The following HS6ST3 variants were observed in gnomAD, a reference collection of about 807,000 sequenced individuals.
HS6ST3 encodes heparan sulfate 6-O-sulfotransferase 3.
Under a neutral mutation model 36.7 loss-of-function variants are expected in HS6ST3, and 12 were observed. The observed-to-expected ratio is 0.33, with a 90% CI of 0.21 to 0.53. The LOEUF is 0.53. HS6ST3 is among the 20% of genes least tolerant of loss of function. The pLI, the probability that HS6ST3 is intolerant of heterozygous loss-of-function variation, is 0.95. For missense variants in HS6ST3, 584 were observed against 640.9 expected, an observed-to-expected ratio of 0.91 and a Z score of 0.96; for synonymous variants, 240 against 257.5, an observed-to-expected ratio of 0.93 and a Z score of 0.65.
intron 1 of HS6ST3, among the ~76,000 whole-genome samples, chr13:96,678,448 G>A (rs1272348702): frequency 6.6e-6 from 1 of 152,226 alleles, no homozygotes; most frequent in East Asian, 1.9e-4. Flanking sequence ...GCCGAGGCAG[G>A]TGGATCATGA....
chr13:96,737,719 C>G (rs1172613062), intron 1 of HS6ST3, among the ~76,000 whole-genome samples: 1 of 149,814 alleles, frequency 6.7e-6, no homozygotes, highest in African/African-American at 2.5e-5. Context: ...TCATGCTGTT[C>G]AAACTGTTTC....
intron 1 of HS6ST3, among the ~76,000 whole-genome samples, chr13:96,710,180 G>A (rs1477344418): frequency 6.6e-6 from 1 of 152,264 alleles, no homozygotes; most frequent in Non-Finnish European, 1.5e-5. Flanking sequence ...GCTACTAAAT[G>A]TGTAACTCAG....
At position 96,322,949 on chromosome 13, in the gene HS6ST3, C is replaced by T. The variant is rs536372666; in HGVS notation, c.707+231380C>T. 2.0e-5 allele frequency among the ~76,000 whole-genome samples: 3 copies of T among 152,294 alleles called. No individual in the cohort carries two copies. The South Asian group carries it at 6.2e-4, about 32-fold the overall frequency. ...CTTGATTTCCAGGACACTGTGCCCG[C>T]CTGGTGTGCCTCCTACCTCACAGGT... On this transcript the variant is annotated intron_variant, in intron 1 of 1. Transcript: ENST00000376705.
chr13:96,400,521 TAGAG>T (rs1409817933), intron 1 of HS6ST3, among the ~76,000 whole-genome samples: 1 of 152,066 alleles, frequency 6.6e-6, no homozygotes, highest in Non-Finnish European at 1.5e-5. Flanking sequence ...TGGATATAAT[TAGAG>T]AGGTGATAAC....
At chr13:96,298,509 C>T (rs377528433) in intron 1 of HS6ST3, among the ~76,000 whole-genome samples, 1 of 152,178 alleles carries the variant, frequency 6.6e-6, no homozygotes, top group Non-Finnish European at 1.5e-5. Flanking sequence ...ATCAGACACC[C>T]GGGTTTGTAA....
chr13:96,145,202 A>C (rs2054051443), intron 1 of HS6ST3, among the ~76,000 whole-genome samples: 1 of 150,048 alleles, frequency 6.7e-6, no homozygotes, highest in South Asian at 2.2e-4. Context: ...TGGTATTTCT[A>C]GTTCTAGATC....
rs1003990590 is a variant in HS6ST3, at chr13:96,708,698, G to C, written c.708-123792G>C. Among the ~76,000 whole-genome samples, 15 of 152,236 alleles carry C rather than the reference G, an allele frequency of 9.9e-5. No individual in the cohort carries two copies. The East Asian group carries it at 2.3e-3, about 24-fold the overall frequency. On this transcript the variant is annotated intron_variant, in intron 1 of 1. Transcript: ENST00000376705. ...AAAATCTCCCAAGGATCCTGGCCAG[G>C]CCACACCAACTGAACTGGGAGATTC... is the stretch of plus-strand genomic sequence containing the variant.
intron 1 of HS6ST3, among the ~76,000 whole-genome samples, chr13:96,397,616 A>C (rs2055428746): frequency 6.6e-6 from 1 of 152,190 alleles, no homozygotes; most frequent in Admixed American, 6.5e-5. Flanking sequence ...CCTTTTCACC[A>C]GAGAAGGTAG....
chr13:96,271,319 G>T (rs932184885), intron 1 of HS6ST3, among the ~76,000 whole-genome samples: 10 of 151,948 alleles, frequency 6.6e-5, no homozygotes, highest in Non-Finnish European at 8.8e-5. Context: ...TAAGCTTTAA[G>T]TTTCTCATAT....
chr13:96,489,626 A>T (rs1343098755), intron 1 of HS6ST3, among the ~76,000 whole-genome samples: 1 of 152,024 alleles, frequency 6.6e-6, no homozygotes, highest in Non-Finnish European at 1.5e-5. Context: ...TTCTTTCTTT[A>T]GGCGAGGCTG....
At chr13:96,648,694 C>G (rs1379803749) in intron 1 of HS6ST3, among the ~76,000 whole-genome samples, 2 of 151,844 alleles carry the variant, frequency 1.3e-5, no homozygotes, top group Non-Finnish European at 2.9e-5. Flanking sequence ...TTGTTCCCCT[C>G]CCTGTGTCCA....
intron 1 of HS6ST3, among the ~76,000 whole-genome samples, chr13:96,146,764 A>G (rs1407571595): frequency 6.6e-6 from 1 of 152,180 alleles, no homozygotes; most frequent in East Asian, 1.9e-4. Context: ...TCTTGGAAAA[A>G]TTGTTTATTG....
chr13:96,222,021 G>T (rs959160825), intron 1 of HS6ST3, among the ~76,000 whole-genome samples: 1 of 152,110 alleles, frequency 6.6e-6, no homozygotes, highest in Admixed American at 6.6e-5. Flanking sequence ...ATAAACTGTA[G>T]CATGTTGATT....
At chr13:96,415,404 C>T (rs1301934372) in intron 1 of HS6ST3, among the ~76,000 whole-genome samples, 1 of 152,190 alleles carries the variant, frequency 6.6e-6, no homozygotes, top group Non-Finnish European at 1.5e-5. Flanking sequence ...CTTCCATTAT[C>T]TTCTTGCTAA....
At chr13:96,333,800 C>G (rs1287504925) in intron 1 of HS6ST3, among the ~76,000 whole-genome samples, 3 of 152,098 alleles carry the variant, frequency 2.0e-5, no homozygotes, top group Admixed American at 1.3e-4. Context: ...ACTTACAGCT[C>G]CAATTGAAAG....
chr13:96,360,966 C>G (rs1430025685), intron 1 of HS6ST3, among the ~76,000 whole-genome samples: 2 of 144,812 alleles, frequency 1.4e-5, no homozygotes, highest in African/African-American at 5.1e-5. Context: ...AAAAAAAATG[C>G]AGGAGGAGGC....
intron 1 of HS6ST3, among the ~76,000 whole-genome samples, chr13:96,193,488 A>G (rs2054298403): frequency 6.6e-6 from 1 of 152,114 alleles, no homozygotes; most frequent in African/African-American, 2.4e-5. Context: ...AGAGCTGTGA[A>G]ACATGCTGGG....
intron 1 of HS6ST3, 29 bp downstream of exon 1, chr13:96,091,598 T>TGGGCC: frequency 4.7e-6 from 7 of 1,488,498 alleles, no homozygotes; most frequent in Non-Finnish European, 5.4e-6. Context: ...TCTCTGTTCT[T>TGGGCC]CCCCCCCACC....
intron 1 of HS6ST3, among the ~76,000 whole-genome samples, chr13:96,207,209 CA>C (rs2054375080): frequency 6.6e-6 from 1 of 152,036 alleles, no homozygotes; most frequent in Admixed American, 6.6e-5. Flanking sequence ...AAAAAAGCTC[CA>C]TATCACTGAT....
Sources: allele counts gnomAD v4.1 joint callset (sites outside exome capture counted in the v4.1 genomes callset), GRCh38; gene constraint gnomAD v4.1.1; transcripts MANE v1.5; gene names NCBI Gene and HGNC (gene_info 2026-07-23, HGNC 2026-07-21).